The following ERCC5 variants were observed in gnomAD, a reference collection of about 807,000 sequenced individuals.
The protein encoded by ERCC5 is ERCC excision repair 5, endonuclease.
In ERCC5, 68 loss-of-function variants were observed where a neutral mutation model predicts 105.6. That is an observed-to-expected ratio of 0.64 (90% CI 0.53 to 0.79). ERCC5 has a LOEUF of 0.79. ERCC5 is among the 30% of genes least tolerant of loss of function. The pLI is 0.00. For missense variants in ERCC5, 1,373 were observed against 1,426.7 expected (o/e 0.96, Z 0.61); for synonymous variants, 546 against 526.2 (o/e 1.04, Z -0.51).
intron 11 of ERCC5, 31 bp from the exon 12 acceptor site, chr13:102,868,082 A>AT (rs753472096): frequency 6.2e-7 from 1 of 1,600,608 alleles, no homozygotes; most frequent in Non-Finnish European, 8.5e-7. Flanking sequence ...AGAAATCTTG[A>AT]TAAAAATTAA....
At position 102,862,118 on chromosome 13, in the gene ERCC5, A is replaced by G. The variant is rs771856926; in HGVS notation, c.969A>G (p.Ser323=). The G allele has an allele frequency of 1.1e-5, 17 of 1,614,210 alleles. No homozygotes were observed. Among genetic ancestry groups the G allele is most frequent in the Non-Finnish European group, 1.4e-5 (16 of 1,180,032 alleles). The change falls in exon 8 of 15, where the codon TCA becomes TCG. Residue 323 remains serine (S), a synonymous_variant. Transcript: ENST00000652225. ...ACGGCATGTCTTTTGACGTGAAGTC[A>G]TCTCCATGTGAAAAACTGAAGACAG... ...KMHGMSFDVK[S]SPCEKLKTEK...
chr13:102,860,304 CT>C (rs1378281665), intron 6 of ERCC5, among the ~76,000 whole-genome samples: 3 of 152,166 alleles, frequency 2.0e-5, no homozygotes, highest in East Asian at 3.8e-4. Flanking sequence ...ATAAAAATGA[CT>C]TTTCTATCTG....
intron 5 of ERCC5, 36 bp downstream of exon 5, chr13:102,856,148 G>A (rs1191940299): frequency 6.3e-7 from 1 of 1,581,694 alleles, no homozygotes; most frequent in Non-Finnish European, 8.7e-7. Context: ...AATGTATTCT[G>A]TTATTTGAAA....
At chr13:102,850,117 G>T (rs1172945116) in intron 1 of ERCC5, among the ~76,000 whole-genome samples, 1 of 152,050 alleles carries the variant, frequency 6.6e-6, no homozygotes. Context: ...GTAGAGACAG[G>T]ATTTCACCAT....
intron 8 of ERCC5, among the ~76,000 whole-genome samples, chr13:102,863,580 T>A (rs1283274230): frequency 6.6e-6 from 1 of 152,224 alleles, no homozygotes; most frequent in African/African-American, 2.4e-5. Flanking sequence ...ATTTGTAGAT[T>A]CCATATTTGC....
intron 6 of ERCC5, among the ~76,000 whole-genome samples, chr13:102,859,740 G>A (rs1882552431): frequency 6.6e-6 from 1 of 152,218 alleles, no homozygotes; most frequent in African/African-American, 2.4e-5. Context: ...AGTCATCCAT[G>A]TTGGGCCTTT....
chr13:102,862,874 T>C lies in ERCC5; in HGVS notation c.1725T>C (p.Ser575=). Residue 575 remains serine, a synonymous_variant, in exon 8 of 15, where the codon TCT becomes TCC. Transcript: ENST00000652225. ...CAAAATGTAAACCGAATTCTGCTTC[T>C]GAAGTCATTGGCCCTGTCAGTTTGC... is the stretch of plus-strand genomic sequence containing the variant. ...DETKCKPNSA[S]EVIGPVSLQE... 1 of 1,614,232 alleles carries C rather than the reference T, an allele frequency of 6.2e-7. No homozygotes were observed. Among genetic ancestry groups the C allele is most frequent in the East Asian group, 2.2e-5 (1 of 44,892 alleles).
At position 102,851,110 on chromosome 13, in the gene ERCC5, G is replaced by A. The variant is rs559131372; in HGVS notation, c.89-1008G>A. On this transcript the variant is annotated intron_variant, in intron 1 of 14. Transcript: ENST00000652225. ...ACATAATATCTACTTTAATATTTTG[G>A]TATGTGAACTAGTTTTTTATATTTA... 1.2e-4 allele frequency among the ~76,000 whole-genome samples: 19 copies of A among 152,154 alleles called. No homozygotes were observed. The East Asian group carries it at 3.5e-3, about 28-fold the overall frequency.
At chr13:102,870,989 C>G (rs138733879) in intron 12 of ERCC5, among the ~76,000 whole-genome samples, 4 of 152,350 alleles carry the variant, frequency 2.6e-5, no homozygotes, top group African/African-American at 7.2e-5. Context: ...CTACCTTCAG[C>G]CTTAGTGGCT....
In ERCC5 at chr13:102,852,197, C is replaced by T; in HGVS notation, c.168C>T (p.Leu56=). 1.2e-5 allele frequency: 20 copies of T among 1,614,126 alleles called. No homozygotes were observed. Among genetic ancestry groups the T allele is most frequent in the Non-Finnish European group, 1.7e-5 (20 of 1,180,008 alleles). ...ACTCAATAGAAAATCCTCATCTTCT[C>T]ACTTTGTTTCATCGGCTCTGCAAAC... The part of the protein sequence containing the change: ...HGNSIENPHL[L]TLFHRLCKLL... The change falls in exon 2 of 15, where the codon CTC becomes CTT. Residue 56 remains leucine, a synonymous_variant. Coordinates refer to ENST00000652225, the MANE Select transcript of ERCC5 (RefSeq NM_000123.4).
intron 1 of ERCC5, among the ~76,000 whole-genome samples, chr13:102,847,971 G>A (rs1379817575): frequency 6.6e-6 from 1 of 152,106 alleles, no homozygotes; most frequent in African/African-American, 2.4e-5. Flanking sequence ...GACCAGCCTG[G>A]GCAACATAGT....
At chr13:102,847,959 A>G (rs1882041263) in intron 1 of ERCC5, among the ~76,000 whole-genome samples, 1 of 152,158 alleles carries the variant, frequency 6.6e-6, no homozygotes, top group South Asian at 2.1e-4. Context: ...CCAGGAGTTC[A>G]AGACCAGCCT....
intron 8 of ERCC5, among the ~76,000 whole-genome samples, chr13:102,864,414 G>A (rs1194268767): frequency 6.6e-6 from 1 of 152,024 alleles, no homozygotes; most frequent in Non-Finnish European, 1.5e-5. Context: ...CCTCCTATGA[G>A]GAAGATCTTT....
chr13:102,868,319 C>T, intron 12 of ERCC5, 62 bp downstream of exon 12: 1 of 1,599,220 alleles, frequency 6.3e-7, no homozygotes. Context: ...GCAAATAGAA[C>T]TATTATTTAC....
chr13:102,873,195 A>G (rs1358788481), intron 13 of ERCC5, 64 bp from the exon 14 acceptor site: 1 of 1,602,870 alleles, frequency 6.2e-7, no homozygotes, highest in Admixed American at 1.7e-5. Flanking sequence ...GGTTCTTTGG[A>G]CCTTTTTATT....
At chr13:102,851,686 A>T (rs1026055639) in intron 1 of ERCC5, among the ~76,000 whole-genome samples, 3 of 152,182 alleles carry the variant, frequency 2.0e-5, no homozygotes, top group African/African-American at 7.2e-5. Flanking sequence ...AATAACTCTC[A>T]TTATATATCC....
chr13:102,873,860 T>C (rs1219280783), intron 14 of ERCC5, among the ~76,000 whole-genome samples: 3 of 152,210 alleles, frequency 2.0e-5, no homozygotes, highest in African/African-American at 4.8e-5. Flanking sequence ...TCTGTGAGTA[T>C]GTTCTGACTC....
chr13:102,853,814 A>G lies in ERCC5; in HGVS notation c.322A>G (p.Lys108Glu). 2.5e-6 allele frequency: 4 copies of G among 1,614,252 alleles called. No individual in the cohort carries two copies. The highest frequency in any genetic ancestry group is 3.4e-6 in the Non-Finnish European group (4 of 1,180,044). ...ASSDSRKTTE[K>E]LLKTFLKRQA... Reference sequence around the variant, plus strand: ...CAGTGACTCCAGGAAAACGACAGAGAAGCTTCTGAAAACATTTTTGAAAAG... The same window carrying G: ...CAGTGACTCCAGGAAAACGACAGAGGAGCTTCTGAAAACATTTTTGAAAAG... The change falls in exon 3 of 15, where the codon AAG (lysine) becomes GAG (glutamate). Residue 108 changes from lysine (K) to glutamate (E), a missense_variant. Physicochemically the swap from Lys to Glu is moderately conservative, Grantham distance 56. Around this residue, in one of 3 missense-constraint regions of ERCC5, gnomAD observed 1,004 missense variants for 1,059.7 expected, o/e 0.95. Transcript: ENST00000652225.
At chr13:102,874,996 A>G (rs1040635865) in intron 14 of ERCC5, 2 of 284,618 alleles carry the variant, frequency 7.0e-6, no homozygotes, top group South Asian at 4.8e-5. Context: ...CTCCTGAGGA[A>G]GATGAAATGT....
Sources: gnomAD v4.1 joint callset for allele counts (sites outside exome capture counted in the v4.1 genomes callset) on GRCh38, gnomAD v4.1.1 for gene constraint, gnomAD v4.1.1 regional missense constraint, MANE v1.5 for transcripts, NCBI Gene and HGNC (gene_info 2026-07-23, HGNC 2026-07-21) for gene names.